Variants in SPIDR observed in about 807,000 individuals in gnomAD.
SPIDR encodes scaffold protein involved in DNA repair.
Under a neutral mutation model 104.6 loss-of-function variants are expected in SPIDR, and 93 were observed. The ratio of observed to expected loss-of-function variants is 0.89; its 90% CI spans 0.75 to 1.06. SPIDR has a LOEUF of 1.06. Ranked by LOEUF, SPIDR falls within the 50% of genes least tolerant of loss-of-function variation. The pLI, the probability that SPIDR is intolerant of heterozygous loss-of-function variation, is 0.00. For synonymous variants in SPIDR, 431 were observed against 416.9 expected, an observed-to-expected ratio of 1.03 and a Z score of -0.41; for missense variants, 1,154 against 1,111.2, an observed-to-expected ratio of 1.04 and a Z score of -0.55.
At chr8:47,692,336 C>A (rs1185264293) in intron 11 of SPIDR, among the ~76,000 whole-genome samples, 1 of 152,068 alleles carries the variant, frequency 6.6e-6, no homozygotes, top group Admixed American at 6.6e-5. Context: ...TTCTCTCCCC[C>A]AGCAGCCACT....
At chr8:47,443,829 G>T (rs1310541941) in intron 8 of SPIDR, among the ~76,000 whole-genome samples, 2 of 151,492 alleles carry the variant, frequency 1.3e-5, no homozygotes, top group Admixed American at 6.6e-5. Context: ...TAATAAATAT[G>T]AGTTTAGGTA....
intron 8 of SPIDR, among the ~76,000 whole-genome samples, chr8:47,560,616 A>C (rs574692307): frequency 5.9e-5 from 9 of 152,288 alleles, no homozygotes; most frequent in African/African-American, 2.2e-4. Flanking sequence ...TTACATGTTC[A>C]TTGTGCCTGT....
intron 8 of SPIDR, among the ~76,000 whole-genome samples, chr8:47,479,733 T>C (rs7833589): frequency 0.69 from 104,937 of 152,088 alleles, 36,548 homozygotes; most frequent in East Asian, 0.82. Context: ...GAAAGGAATT[T>C]GCTACACATT....
At chr8:47,495,395 A>C (rs1255784223) in intron 8 of SPIDR, among the ~76,000 whole-genome samples, 1 of 152,094 alleles carries the variant, frequency 6.6e-6, no homozygotes, top group East Asian at 1.9e-4. Flanking sequence ...ACCCAAAAAA[A>C]AAAAAAGATA....
At chr8:47,450,539 T>C (rs993864446) in intron 8 of SPIDR, among the ~76,000 whole-genome samples, 2 of 152,240 alleles carry the variant, frequency 1.3e-5, no homozygotes, top group African/African-American at 4.8e-5. Context: ...CAAATAAGTT[T>C]GGAAAAGGCT....
chr8:47,511,403 A>C lies in SPIDR; in HGVS notation c.1097+70861A>C, dbSNP rs553497704. ...TCGCCAGTGAAGGCTTTGAAGGCTTATTTGGACTTCATAAAGTCCTCGTCC... is the reference window on the plus strand; with the variant it reads ...TCGCCAGTGAAGGCTTTGAAGGCTTCTTTGGACTTCATAAAGTCCTCGTCC... On this transcript the variant is annotated intron_variant, in intron 8 of 19. Coordinates refer to ENST00000297423, the MANE Select transcript of SPIDR (RefSeq NM_001080394.4). The C allele has an allele frequency of 2.6e-5, 22 of 853,442 alleles. No homozygotes were observed. The African/African-American group carries it at 2.8e-4, about 11-fold the overall frequency. 52.9% of individuals were successfully genotyped at this position (853,442 alleles called of 1,614,324 possible).
At chr8:47,470,874 A>G (rs546468126) in intron 8 of SPIDR, among the ~76,000 whole-genome samples, 8 of 152,034 alleles carry the variant, frequency 5.3e-5, no homozygotes, top group African/African-American at 1.7e-4. Context: ...AGCTGGGACT[A>G]CAGGTGCCCG....
At chr8:47,507,299 A>G (rs2081633196) in intron 8 of SPIDR, among the ~76,000 whole-genome samples, 1 of 152,210 alleles carries the variant, frequency 6.6e-6, no homozygotes, top group Non-Finnish European at 1.5e-5. Context: ...CGTCTTCCCA[A>G]TGGTTTAGCT....
At chr8:47,735,110 G>GT (rs1491092030) in intron 19 of SPIDR, among the ~76,000 whole-genome samples, 197 bp from the exon 20 acceptor site, 61 of 128,610 alleles carry the variant, frequency 4.7e-4, no homozygotes, top group African/African-American at 1.3e-3. Flanking sequence ...GTGTGTGTGT[G>GT]GGTGTGTGTG....
chr8:47,495,403 A>G (rs982382521), intron 8 of SPIDR, among the ~76,000 whole-genome samples: 11 of 151,538 alleles, frequency 7.3e-5, no homozygotes, highest in Non-Finnish European at 1.3e-4. Flanking sequence ...AAAAAAAAAG[A>G]TATAATTAAC....
chr8:47,331,056 C>G (rs2048580059), intron 5 of SPIDR, among the ~76,000 whole-genome samples: 1 of 152,138 alleles, frequency 6.6e-6, no homozygotes. Context: ...GTAAGTATGT[C>G]ATGATATCTC....
intron 19 of SPIDR, 31 bp downstream of exon 19, chr8:47,729,496 G>A (rs554057689): frequency 1.1e-4 from 178 of 1,576,894 alleles, no homozygotes; most frequent in South Asian, 3.6e-4. Flanking sequence ...CCAGGGGGCC[G>A]CACACTCAGT....
chr8:47,472,062 T>C (rs186944382), intron 8 of SPIDR, among the ~76,000 whole-genome samples: 9 of 152,324 alleles, frequency 5.9e-5, no homozygotes, highest in African/African-American at 2.2e-4. Flanking sequence ...ATTGCCCAAT[T>C]CCTGAATCTC....
intron 10 of SPIDR, among the ~76,000 whole-genome samples, chr8:47,659,481 T>C (rs1376606648): frequency 6.6e-6 from 1 of 152,212 alleles, no homozygotes; most frequent in Non-Finnish European, 1.5e-5. Flanking sequence ...CAGGATTAAC[T>C]GTTTACTTTG....
At chr8:47,458,370 A>G (rs137861849) in intron 8 of SPIDR, among the ~76,000 whole-genome samples, 19 of 148,078 alleles carry the variant, frequency 1.3e-4, no homozygotes, top group African/African-American at 4.5e-4. Flanking sequence ...ATTTTATTTT[A>G]TTTTATTTTA....
intron 10 of SPIDR, among the ~76,000 whole-genome samples, chr8:47,612,050 G>A (rs1385801154): frequency 6.6e-6 from 1 of 152,120 alleles, no homozygotes; most frequent in African/African-American, 2.4e-5. Context: ...TCCTTTCTTT[G>A]GTGTGGAATC....
chr8:47,723,667 G>C (rs755630635), intron 16 of SPIDR, among the ~76,000 whole-genome samples: 4 of 152,092 alleles, frequency 2.6e-5, no homozygotes, highest in African/African-American at 9.7e-5. Flanking sequence ...CTGACCTCAC[G>C]ATCCTCCCAC....
intron 5 of SPIDR, among the ~76,000 whole-genome samples, chr8:47,356,970 A>T (rs1327326546): frequency 6.6e-6 from 1 of 152,190 alleles, no homozygotes; most frequent in Non-Finnish European, 1.5e-5. Flanking sequence ...CATATGGGGT[A>T]ACTTGGCTGT....
intron 8 of SPIDR, among the ~76,000 whole-genome samples, chr8:47,572,883 C>T (rs1413307859): frequency 6.6e-6 from 1 of 152,046 alleles, no homozygotes; most frequent in Non-Finnish European, 1.5e-5. Flanking sequence ...GTGCCGCTGC[C>T]TGTCCCCAAG....
Sources: allele counts gnomAD v4.1 joint callset (sites outside exome capture counted in the v4.1 genomes callset), GRCh38; gene constraint gnomAD v4.1.1; transcripts MANE v1.5; gene names NCBI Gene and HGNC (gene_info 2026-07-23, HGNC 2026-07-21).